Variants in PIAS2 observed in about 807,000 individuals in gnomAD.
PIAS2 encodes the protein protein inhibitor of activated STAT 2.
Under a neutral mutation model 69.7 loss-of-function variants are expected in PIAS2, and 19 were observed. That is an observed-to-expected ratio of 0.27 (90% confidence interval 0.19 to 0.40). The LOEUF (loss-of-function observed/expected upper bound fraction) is 0.40, where lower values mean the gene tolerates loss of function less well. Ranked by LOEUF, PIAS2 falls within the 10% of genes least tolerant of loss-of-function variation. The probability of loss-of-function intolerance (pLI) is 1.00; values close to 1 mark genes in which losing one functional copy is unlikely to be tolerated. For synonymous variants in PIAS2, 261 were observed against 263.2 expected, an observed-to-expected ratio of 0.99 and a Z score of 0.08; for missense variants, 624 against 757.0, an observed-to-expected ratio of 0.82 and a Z score of 2.06.
intron 1 of PIAS2, among the ~76,000 whole-genome samples, chr18:46,904,931 C>T (rs538641424): frequency 2.0e-5 from 3 of 151,926 alleles, no homozygotes; most frequent in African/African-American, 7.2e-5. Context: ...GATAGAACTA[C>T]AAAGAAAAAT....
At chr18:46,828,538 T>A (rs1230100191) in intron 10 of PIAS2, among the ~76,000 whole-genome samples, 1 of 152,206 alleles carries the variant, frequency 6.6e-6, no homozygotes, top group Non-Finnish European at 1.5e-5. Context: ...CAGCTATGTA[T>A]TCTCGCACAC....
At chr18:46,912,293 A>G (rs1039344284) in intron 1 of PIAS2, among the ~76,000 whole-genome samples, 1 of 152,244 alleles carries the variant, frequency 6.6e-6, no homozygotes, top group Non-Finnish European at 1.5e-5. Context: ...GTATTTGCAT[A>G]TAAGCTATAC....
chr18:46,883,520 T>C (rs904894774), intron 2 of PIAS2, among the ~76,000 whole-genome samples: 2 of 151,780 alleles, frequency 1.3e-5, no homozygotes, highest in Admixed American at 6.6e-5. Flanking sequence ...CTGGACAACA[T>C]AGAGAGACCT....
intron 3 of PIAS2, among the ~76,000 whole-genome samples, chr18:46,857,415 T>C (rs954719473): frequency 2.0e-5 from 3 of 152,206 alleles, no homozygotes; most frequent in African/African-American, 7.2e-5. Flanking sequence ...ATTTTTGTCT[T>C]GAAAGTTCAA....
In PIAS2 at chr18:46,805,561, A is replaced by G. The variant is rs2040647282; in HGVS notation, c.*6872T>C. The G allele has an allele frequency of 6.6e-6, 1 of 152,206 alleles. No homozygotes were observed. Among genetic ancestry groups the G allele is most frequent in the East Asian group, 1.9e-4 (1 of 5,192 alleles). The allele number at this position is 152,206 out of a possible 1,614,324, so 9.4% of individuals were successfully genotyped here. ...GCAGTAGGGGGGAAGGACAGCAACC[A>G]CTGTATCTTGAGATATGTAGAATGT... On this transcript the variant is annotated 3_prime_UTR_variant, in exon 14 of 14. Transcript: ENST00000585916.
At chr18:46,829,692 C>T (rs1243850401) in intron 10 of PIAS2, 42 bp downstream of exon 10, 9 of 1,568,576 alleles carry the variant, frequency 5.7e-6, no homozygotes, top group African/African-American at 1.4e-5. Context: ...TAATGTTGCA[C>T]GAGTCTCACT....
Position 46,806,632 on chromosome 18 carries a change from A to C in PIAS2, c.*5801T>G, listed in dbSNP as rs921203685. The C allele has an allele frequency of 2.0e-5, 3 of 152,130 alleles. No individual in the cohort carries two copies. The highest frequency in any genetic ancestry group is 4.4e-5 in the Non-Finnish European group (3 of 68,058). 9.4% of individuals were successfully genotyped at this position (152,130 alleles called of 1,614,324 possible). Reference sequence around the variant, plus strand: ...TGGCTTCCCAAAGTGCTGGGATTACAGGCATGAGCCACCATGCCCAGCTTA... The same window carrying C: ...TGGCTTCCCAAAGTGCTGGGATTACCGGCATGAGCCACCATGCCCAGCTTA... On this transcript the variant is annotated 3_prime_UTR_variant, in exon 14 of 14. Coordinates refer to ENST00000585916, the MANE Select transcript of PIAS2 (RefSeq NM_004671.5).
At position 46,904,445 on chromosome 18, in the gene PIAS2, C is replaced by CA. The variant is rs775031899; in HGVS notation, c.24+12876dup. 2.7e-4 allele frequency among the ~76,000 whole-genome samples: 41 copies of CA among 151,782 alleles called. 1 individual carries two copies. The highest frequency in any genetic ancestry group is 4.7e-4 in the Non-Finnish European group (32 of 67,922). On this transcript the variant is annotated intron_variant, in intron 1 of 13. Coordinates refer to ENST00000585916, the MANE Select transcript of PIAS2 (RefSeq NM_004671.5). ...AATTTTTTAAATTAGGCAAAACTGA[C>CA]AAAAAAAGAAAAATAACCTAGAAGG...
intron 9 of PIAS2, among the ~76,000 whole-genome samples, chr18:46,835,292 T>C (rs572700989): frequency 6.6e-6 from 1 of 152,308 alleles, no homozygotes; most frequent in African/African-American, 2.4e-5. Flanking sequence ...GGGTCATAGT[T>C]ACATGGGAGG....
At chr18:46,900,630 T>C (rs916726418) in intron 1 of PIAS2, among the ~76,000 whole-genome samples, 4 of 151,866 alleles carry the variant, frequency 2.6e-5, no homozygotes, top group Non-Finnish European at 4.4e-5. Flanking sequence ...TGAGCTATAA[T>C]CATGCCAATA....
At chr18:46,818,148 C>T (rs10502879) in intron 12 of PIAS2, 417,039 of 1,095,326 alleles carry the variant, frequency 0.38, 84,843 homozygotes, top group Middle Eastern at 0.43. Flanking sequence ...GATTTTTTCT[C>T]ATTGATGACA....
chr18:46,831,380 C>T (rs2043594106), intron 9 of PIAS2, among the ~76,000 whole-genome samples: 1 of 152,088 alleles, frequency 6.6e-6, no homozygotes, highest in South Asian at 2.1e-4. Flanking sequence ...CAGAAAGATA[C>T]ATCCTGTTCA....
chr18:46,881,728 G>A (rs938610597), intron 2 of PIAS2, among the ~76,000 whole-genome samples: 2 of 152,116 alleles, frequency 1.3e-5, no homozygotes, highest in African/African-American at 2.4e-5. Context: ...TACTTATTTC[G>A]AATGTGAACA....
rs2040764255 is a variant in PIAS2, at chr18:46,807,410, T to TTTTTTTTG, written c.*5022_*5023insCAAAAAAA. 1 of 113,874 alleles carries TTTTTTTTG rather than the reference T, an allele frequency of 8.8e-6. No homozygotes were observed. Among genetic ancestry groups the TTTTTTTTG allele is most frequent in the Non-Finnish European group, 1.8e-5 (1 of 55,022 alleles). The allele number at this position is 113,874 out of a possible 1,614,324, so 7.1% of individuals were successfully genotyped here. A position where few individuals can be genotyped will look rare whatever the true frequency, so the allele number is the denominator to read the frequency against. On this transcript the variant is annotated 3_prime_UTR_variant, in exon 14 of 14. Coordinates refer to ENST00000585916, the MANE Select transcript of PIAS2 (RefSeq NM_004671.5). ...TTTTTTTTTTTTTTTTTTTTTTTTT[T>TTTTTTTTG]AGAGAGTCTTGCTTTGTTACCCAGG...
chr18:46,885,824 C>T lies in PIAS2; in HGVS notation c.499+4756G>A, dbSNP rs1477251392. ...GACCAAAATGCAGGGAGTTTAGTTACTCTTCTAAACAAAATATCTCTGGCA... is the reference window on the plus strand; with the variant it reads ...GACCAAAATGCAGGGAGTTTAGTTATTCTTCTAAACAAAATATCTCTGGCA... On this transcript the variant is annotated intron_variant, in intron 2 of 13. Transcript: ENST00000585916. Among the ~76,000 whole-genome samples the T allele has an allele frequency of 7.2e-5, 11 of 152,178 alleles. No homozygotes were observed. The East Asian group carries it at 1.7e-3, about 24-fold the overall frequency.
chr18:46,839,477 T>C (rs147146786), intron 8 of PIAS2, among the ~76,000 whole-genome samples: 16 of 152,334 alleles, frequency 1.1e-4, no homozygotes, highest in African/African-American at 3.8e-4. Context: ...TACCTATTTG[T>C]CAATTTTTAT....
intron 2 of PIAS2, among the ~76,000 whole-genome samples, chr18:46,888,540 A>C (rs1257556103): frequency 6.6e-6 from 1 of 152,174 alleles, no homozygotes; most frequent in Non-Finnish European, 1.5e-5. Flanking sequence ...GCATAAAGAC[A>C]GACATCTAGA....
intron 1 of PIAS2, among the ~76,000 whole-genome samples, chr18:46,916,582 G>A (rs777787933): frequency 6.6e-6 from 1 of 152,110 alleles, no homozygotes; most frequent in Non-Finnish European, 1.5e-5. Context: ...CCAGACCTCT[G>A]CTATACAAGG....
At chr18:46,910,958 A>G (rs1415409696) in intron 1 of PIAS2, among the ~76,000 whole-genome samples, 1 of 152,164 alleles carries the variant, frequency 6.6e-6, no homozygotes, top group East Asian at 1.9e-4. Context: ...TGTAAAATAA[A>G]AAAGGTATCT....
Sources: allele counts gnomAD v4.1 joint callset (sites outside exome capture counted in the v4.1 genomes callset), GRCh38; gene constraint gnomAD v4.1.1; transcripts MANE v1.5; gene names NCBI Gene and HGNC (gene_info 2026-07-23, HGNC 2026-07-21).